The following HEATR4 variants were observed in gnomAD, a reference collection of about 807,000 sequenced individuals.
The protein encoded by HEATR4 is HEAT repeat containing 4.
In HEATR4, 95 loss-of-function variants were observed where a neutral mutation model predicts 108.8. The observed-to-expected ratio is 0.87, with a 90% CI of 0.74 to 1.04. HEATR4 has a LOEUF of 1.04. Ranked by LOEUF, HEATR4 falls within the 50% of genes least tolerant of loss-of-function variation. The pLI, the probability that HEATR4 is intolerant of heterozygous loss-of-function variation, is 0.00. For synonymous variants in HEATR4, 443 were observed against 459.4 expected (o/e 0.96, Z 0.46); for missense variants, 1,152 against 1,253.8 (o/e 0.92, Z 1.23).
chr14:73,588,105 G>C, the HEATR4 span, among the ~76,000 whole-genome samples: 1 of 151,590 alleles, frequency 6.6e-6, no homozygotes, highest in Non-Finnish European at 1.5e-5. Flanking sequence ...GGGTTCAAGC[G>C]ATTCTCCTGC....
chr14:73,501,445 G>A (rs1172497682), intron 11 of HEATR4, among the ~76,000 whole-genome samples: 1 of 151,738 alleles, frequency 6.6e-6, no homozygotes, highest in Non-Finnish European at 1.5e-5. Context: ...TTTAGAGATG[G>A]GGTCTTGCTA....
intron 3 of HEATR4, 133 bp from the exon 4 acceptor site, chr14:73,521,172 A>T: frequency 1.3e-6 from 1 of 758,604 alleles, no homozygotes; most frequent in Non-Finnish European, 2.2e-6. Flanking sequence ...CAGAACACCA[A>T]TGTTTAACTT....
At chr14:73,627,689 G>A in the HEATR4 span, among the ~76,000 whole-genome samples, 1 of 152,102 alleles carries the variant, frequency 6.6e-6, no homozygotes, top group Non-Finnish European at 1.5e-5. Flanking sequence ...CCCATTTCTG[G>A]GTTTTTATGG....
chr14:73,517,816 C>T (rs754656399), intron 5 of HEATR4, among the ~76,000 whole-genome samples: 5 of 151,864 alleles, frequency 3.3e-5, no homozygotes, highest in Admixed American at 6.6e-5. Context: ...AGGCTGGACA[C>T]GGTGGCTCAC....
At chr14:73,593,821 T>G in the HEATR4 span, 30 of 1,613,984 alleles carry the variant, frequency 1.9e-5, no homozygotes, top group Non-Finnish European at 2.3e-5. Context: ...TTATTATAAC[T>G]TTGAAGATCT....
Position 73,531,616 on chromosome 14 carries a change from C to A in HEATR4, c.-151-1372G>T, listed in dbSNP as rs1433627886. On this transcript the variant is annotated intron_variant, in intron 1 of 17. Coordinates refer to ENST00000553558, the MANE Select transcript of HEATR4 (RefSeq NM_001220484.1). ...TAGAGATGGGGTTTCACCATATTGG[C>A]CAGGCTGTTCTCGAACTCCTGACCT... 1.9e-4 allele frequency among the ~76,000 whole-genome samples: 20 copies of A among 108,068 alleles called. 4 individuals are homozygous for A. The highest frequency in any genetic ancestry group is 9.8e-3 in the Middle Eastern group (2 of 204). The allele number at this position is 108,068 out of a possible 152,430, so 70.9% of individuals were successfully genotyped here. A position where few individuals can be genotyped will look rare whatever the true frequency, so the allele number is the denominator to read the frequency against.
At chr14:73,541,646 A>G in intron 1 of HEATR4, 1 of 1,243,314 alleles carries the variant, frequency 8.0e-7, no homozygotes, top group Non-Finnish European at 1.1e-6. Context: ...GAGACGCTCC[A>G]TCTGGAGTAC....
chr14:73,572,578 G>A, the HEATR4 span, among the ~76,000 whole-genome samples: 1 of 148,582 alleles, frequency 6.7e-6, no homozygotes, highest in South Asian at 2.2e-4. Context: ...GTGGGACGTT[G>A]ATGGTTTGCG....
the HEATR4 span, among the ~76,000 whole-genome samples, chr14:73,564,388 T>C: frequency 2.0e-5 from 3 of 151,432 alleles, no homozygotes; most frequent in African/African-American, 4.8e-5. Flanking sequence ...GGTGGGAGGA[T>C]TGCTTAAGCC....
intron 17 of HEATR4, chr14:73,490,848 T>A: frequency 1.6e-6 from 1 of 639,500 alleles, no homozygotes; most frequent in Non-Finnish European, 2.3e-6. Flanking sequence ...AGCCAAACAT[T>A]TAATGAAAGA....
chr14:73,620,711 G>A, the HEATR4 span, among the ~76,000 whole-genome samples: 2 of 151,920 alleles, frequency 1.3e-5, no homozygotes, highest in Admixed American at 1.3e-4. Flanking sequence ...GGGACTACAG[G>A]CTCGTGCCAC....
chr14:73,594,877 G>T, the HEATR4 span, among the ~76,000 whole-genome samples: 8 of 151,642 alleles, frequency 5.3e-5, no homozygotes, highest in Admixed American at 3.3e-4. Flanking sequence ...ATTTTTTTTT[G>T]TATTTTTAAT....
chr14:73,511,199 C>T (rs1887227939), intron 7 of HEATR4, among the ~76,000 whole-genome samples: 1 of 152,066 alleles, frequency 6.6e-6, no homozygotes, highest in African/African-American at 2.4e-5. Context: ...AGGAGTGGCA[C>T]AGCTAAGCCC....
Position 73,537,341 on chromosome 14 carries a change from C to T in HEATR4, c.-151-7097G>A. The T allele has an allele frequency of 1.7e-6, 2 of 1,151,216 alleles. 1 individual carries two copies. Among genetic ancestry groups the T allele is most frequent in the Non-Finnish European group, 2.3e-6 (2 of 863,904 alleles). 71.3% of individuals were successfully genotyped at this position (1,151,216 alleles called of 1,614,324 possible). ...GTGGGCGTTTAGCCTGCGACGGCAGCCCGAGAGGAAGAGTTGGGCAGAGTT... is the reference window on the plus strand; with the variant it reads ...GTGGGCGTTTAGCCTGCGACGGCAGTCCGAGAGGAAGAGTTGGGCAGAGTT... On this transcript the variant is annotated intron_variant, in intron 1 of 17. Transcript: ENST00000553558.
In HEATR4 at chr14:73,491,209, G is replaced by A. The variant is rs1263145493; in HGVS notation, c.2844+1857C>T. 4 of 1,594,388 alleles carry A rather than the reference G, an allele frequency of 2.5e-6. No homozygotes were observed. In the Admixed American group the frequency reaches 5.2e-5, roughly 21 times the overall value. On this transcript the variant is annotated intron_variant, in intron 17 of 17. Transcript: ENST00000553558. Reference sequence around the variant, plus strand: ...AGACGCTGCCTAGCGAGAACTCGGAGGAATCGAGGGTGGAGTCGACGGCCG... The same window carrying A: ...AGACGCTGCCTAGCGAGAACTCGGAAGAATCGAGGGTGGAGTCGACGGCCG...
the HEATR4 span, among the ~76,000 whole-genome samples, chr14:73,588,123 T>C: frequency 6.6e-6 from 1 of 151,972 alleles, no homozygotes; most frequent in African/African-American, 2.4e-5. Flanking sequence ...TGCCTCAGCC[T>C]CTCCAGTATC....
At chr14:73,489,468 A>G (rs1038997948) in intron 17 of HEATR4, among the ~76,000 whole-genome samples, 2 of 152,212 alleles carry the variant, frequency 1.3e-5, no homozygotes, top group Admixed American at 6.5e-5. Flanking sequence ...TATGCTTATC[A>G]TTGCTTGAAA....
chr14:73,600,001 A>G, the HEATR4 span, among the ~76,000 whole-genome samples: 1 of 152,210 alleles, frequency 6.6e-6, no homozygotes, highest in African/African-American at 2.4e-5. Context: ...GATGAGGCTC[A>G]GAACAGTCCC....
At chr14:73,568,327 G>T in the HEATR4 span, among the ~76,000 whole-genome samples, 1 of 150,532 alleles carries the variant, frequency 6.6e-6, no homozygotes, top group South Asian at 2.1e-4. Context: ...ACAAGGGCTT[G>T]GCAGGGGCCT....
Sources: allele counts gnomAD v4.1 joint callset (sites outside exome capture counted in the v4.1 genomes callset), GRCh38; gene constraint gnomAD v4.1.1; transcripts MANE v1.5; gene names NCBI Gene and HGNC (gene_info 2026-07-23, HGNC 2026-07-21).